The following TMEM117 variants were observed in gnomAD, a reference collection of about 807,000 sequenced individuals.
TMEM117 encodes transmembrane protein 117.
A neutral mutation model predicts 52.4 loss-of-function variants in TMEM117; 27 were observed. The ratio of observed to expected loss-of-function variants is 0.51; its 90% CI spans 0.38 to 0.71. The LOEUF (loss-of-function observed/expected upper bound fraction) is 0.71. TMEM117 is among the 30% of genes least tolerant of loss of function. The probability of loss-of-function intolerance (pLI) is 0.00; values close to 1 mark genes in which losing one functional copy is unlikely to be tolerated. For missense variants in TMEM117, 556 were observed against 630.5 expected (o/e 0.88, Z 1.26); for synonymous variants, 215 against 206.3 (o/e 1.04, Z -0.36).
chr12:44,252,030 A>G (rs975542219), intron 5 of TMEM117, among the ~76,000 whole-genome samples: 2 of 152,142 alleles, frequency 1.3e-5, no homozygotes, highest in East Asian at 3.9e-4. Flanking sequence ...CATCTAGCTC[A>G]TCCTTCATTG....
intron 4 of TMEM117, among the ~76,000 whole-genome samples, chr12:44,185,245 T>C (rs1269454909): frequency 3.3e-5 from 5 of 152,250 alleles, no homozygotes; most frequent in Non-Finnish European, 7.3e-5. Flanking sequence ...CTGGTAGTAA[T>C]ACAAAGCATG....
chr12:44,244,851 C>T (rs774159411), intron 5 of TMEM117, among the ~76,000 whole-genome samples: 1 of 151,960 alleles, frequency 6.6e-6, no homozygotes, highest in African/African-American at 2.4e-5. Context: ...CTTTAACTCA[C>T]TCTGTGTTGA....
chr12:44,374,347 G>A (rs958604462), intron 6 of TMEM117, among the ~76,000 whole-genome samples: 2 of 151,926 alleles, frequency 1.3e-5, no homozygotes, highest in African/African-American at 4.8e-5. Flanking sequence ...AGAAAGGATG[G>A]ATATGAAAGA....
At chr12:43,986,965 G>C (rs1044426252) in intron 3 of TMEM117, among the ~76,000 whole-genome samples, 4 of 151,940 alleles carry the variant, frequency 2.6e-5, no homozygotes, top group African/African-American at 9.7e-5. Context: ...CTTCTATACA[G>C]TTATGGGCTA....
chr12:44,092,823 TA>T (rs1264647711), intron 3 of TMEM117, among the ~76,000 whole-genome samples: 1 of 152,206 alleles, frequency 6.6e-6, no homozygotes, highest in Non-Finnish European at 1.5e-5. Flanking sequence ...AAGGCAGACA[TA>T]ACTCCTGTGA....
chr12:44,161,233 C>T (rs1055621751), intron 4 of TMEM117, among the ~76,000 whole-genome samples: 10 of 152,060 alleles, frequency 6.6e-5, no homozygotes, highest in Admixed American at 2.0e-4. Flanking sequence ...AAAATTTTTG[C>T]GTCTGTTCCT....
chr12:44,178,070 T>C (rs1479653427), intron 4 of TMEM117, among the ~76,000 whole-genome samples: 1 of 152,348 alleles, frequency 6.6e-6, no homozygotes, highest in East Asian at 1.9e-4. Flanking sequence ...AACATCTTGT[T>C]ATTTCTTAAT....
chr12:44,105,125 G>A (rs1364090433), intron 3 of TMEM117, among the ~76,000 whole-genome samples: 3 of 151,398 alleles, frequency 2.0e-5, no homozygotes, highest in Admixed American at 2.0e-4. Context: ...ACCTTTTATA[G>A]TTGTTCCATA....
intron 7 of TMEM117, among the ~76,000 whole-genome samples, chr12:44,382,102 G>A (rs186365230): frequency 4.6e-5 from 7 of 152,072 alleles, no homozygotes; most frequent in African/African-American, 1.7e-4. Flanking sequence ...TCTATATAAA[G>A]CAGCAATTCC....
intron 4 of TMEM117, among the ~76,000 whole-genome samples, chr12:44,161,805 A>C (rs187424589): frequency 0.01 from 1,530 of 151,982 alleles, 10 homozygotes; most frequent in African/African-American, 0.016. Flanking sequence ...GTGGCAAATT[A>C]ATTAATTAAT....
At chr12:44,276,281 G>T (rs1278112933) in intron 5 of TMEM117, among the ~76,000 whole-genome samples, 6 of 152,132 alleles carry the variant, frequency 3.9e-5, no homozygotes, top group African/African-American at 1.4e-4. Flanking sequence ...AGAAAATGTG[G>T]CATGTATATA....
At chr12:44,052,620 G>C (rs982751885) in intron 3 of TMEM117, among the ~76,000 whole-genome samples, 15 of 152,112 alleles carry the variant, frequency 9.9e-5, no homozygotes, top group African/African-American at 3.4e-4. Context: ...AGACACTGCT[G>C]GTGTCTCTAC....
chr12:44,047,381 T>G (rs2137914439), intron 3 of TMEM117, among the ~76,000 whole-genome samples: 1 of 152,258 alleles, frequency 6.6e-6, no homozygotes, highest in South Asian at 2.1e-4. Flanking sequence ...AGAATTTGAG[T>G]TTGCTTTGTC....
chr12:44,340,591 A>C (rs1951403758), intron 6 of TMEM117, among the ~76,000 whole-genome samples: 1 of 151,996 alleles, frequency 6.6e-6, no homozygotes, highest in South Asian at 2.1e-4. Flanking sequence ...GAAACAGCTG[A>C]GTCTCCCATG....
intron 3 of TMEM117, among the ~76,000 whole-genome samples, chr12:43,997,131 C>T (rs966898807): frequency 1.3e-5 from 2 of 152,048 alleles, no homozygotes; most frequent in Non-Finnish European, 2.9e-5. Flanking sequence ...AATCTGAGGC[C>T]CTGAGAGATT....
chr12:43,957,989 A>C (rs1945335992), intron 3 of TMEM117, among the ~76,000 whole-genome samples: 2 of 152,202 alleles, frequency 1.3e-5, no homozygotes, highest in South Asian at 4.1e-4. Context: ...GAATCACAGG[A>C]AAAGAAGGGT....
chr12:44,234,889 C>T (rs1592628494), intron 5 of TMEM117, among the ~76,000 whole-genome samples: 1 of 151,476 alleles, frequency 6.6e-6, no homozygotes. Context: ...TTGAAAATCT[C>T]CTGATATGTT....
chr12:43,939,016 T>TA (rs1471833487), intron 2 of TMEM117, among the ~76,000 whole-genome samples: 1 of 147,900 alleles, frequency 6.8e-6, no homozygotes, highest in African/African-American at 2.5e-5. Flanking sequence ...AAAAAAAAAA[T>TA]AAAAAATAAA....
At chr12:44,094,692 GA>G (rs1332305926) in intron 3 of TMEM117, among the ~76,000 whole-genome samples, 6 of 151,594 alleles carry the variant, frequency 4.0e-5, no homozygotes, top group African/African-American at 1.5e-4. Context: ...TTATCACTAA[GA>G]AAATCCACTC....
Sources: gnomAD v4.1 joint callset for allele counts (sites outside exome capture counted in the v4.1 genomes callset) on GRCh38, gnomAD v4.1.1 for gene constraint, MANE v1.5 for transcripts, NCBI Gene and HGNC (gene_info 2026-07-23, HGNC 2026-07-21) for gene names.